The following PROSER1 variants were observed in gnomAD, a reference collection of about 807,000 sequenced individuals.
PROSER1 encodes proline and serine-rich protein 1.
A neutral mutation model predicts 71.8 loss-of-function variants in PROSER1; 36 were observed. That is an observed-to-expected ratio of 0.50 (90% CI 0.38 to 0.66). PROSER1 has a LOEUF of 0.66. PROSER1 is among the 30% of genes least tolerant of loss of function. The pLI, the probability that PROSER1 is intolerant of heterozygous loss-of-function variation, is 0.00. For synonymous variants in PROSER1, 490 were observed against 452.4 expected (o/e 1.08, Z -1.06); for missense variants, 1,107 against 1,135.0 (o/e 0.98, Z 0.35).
chr13:39,014,156 C>A lies in PROSER1; in HGVS notation c.1096G>T (p.Val366Leu). The change falls in exon 11 of 13, where the codon GTG (valine) becomes TTG (leucine). Residue 366 changes from valine (V) to leucine (L), a missense_variant. Coordinates refer to ENST00000352251, the MANE Select transcript of PROSER1 (RefSeq NM_025138.5). ...TPVPSIFSGL[V>L]SLPGPSATPT... ...GTGGCAGAAGGACCTGGCAGTGACA[C>A]TAGGCCAGAAAAAATGGAAGGAACA... 6.2e-7 allele frequency: 1 copy of A among 1,614,070 alleles called. No homozygotes were observed. Among genetic ancestry groups the A allele is most frequent in the South Asian group, 1.1e-5 (1 of 91,074 alleles).
chr13:39,029,922 C>T (rs982969148), intron 3 of PROSER1, among the ~76,000 whole-genome samples: 1 of 152,072 alleles, frequency 6.6e-6, no homozygotes, highest in Non-Finnish European at 1.5e-5. Context: ...TTGTGATGCA[C>T]CAAGATTGTG....
intron 2 of PROSER1, among the ~76,000 whole-genome samples, chr13:39,033,547 C>T (rs1310640468): frequency 6.6e-6 from 1 of 152,160 alleles, no homozygotes; most frequent in Non-Finnish European, 1.5e-5. Flanking sequence ...TCCAACTATC[C>T]CTCAGAAACA....
intron 9 of PROSER1, among the ~76,000 whole-genome samples, chr13:39,021,190 C>T (rs1870272423): frequency 6.6e-6 from 1 of 152,084 alleles, no homozygotes; most frequent in Non-Finnish European, 1.5e-5. Flanking sequence ...CCAATTCACC[C>T]CCTCCCCAAG....
rs1869656374 is a variant in PROSER1, at chr13:39,011,492, T to C, written c.2713-5A>G. 6.2e-7 allele frequency: 1 copy of C among 1,613,666 alleles called. No homozygotes were observed. Among genetic ancestry groups the C allele is most frequent in the Non-Finnish European group, 8.5e-7 (1 of 1,179,964 alleles). On this transcript the variant is annotated splice_polypyrimidine_tract_variant and splice_region_variant and intron_variant, in intron 12 of 12. Transcript: ENST00000352251. Reference sequence around the variant, plus strand: ...CAGAGCCGAAGCTGAATGGACCTGATGGAAAGAAGAGCGTGTGGTTTAGCA... The same window carrying C: ...CAGAGCCGAAGCTGAATGGACCTGACGGAAAGAAGAGCGTGTGGTTTAGCA...
intron 5 of PROSER1, 140 bp from the exon 6 acceptor site, chr13:39,026,527 A>T: frequency 1.9e-6 from 1 of 521,462 alleles, no homozygotes; most frequent in Non-Finnish European, 3.4e-6. Flanking sequence ...CAGCACTTAC[A>T]GTGGTGAATG....
rs1227458852 is a variant in PROSER1 at position 39,028,246 on chromosome 13, C to T, written c.350G>A (p.Cys117Tyr). The T allele has an allele frequency of 2.5e-6, 4 of 1,581,514 alleles. No homozygotes were observed. Among genetic ancestry groups the T allele is most frequent in the Non-Finnish European group, 2.6e-6 (3 of 1,151,396 alleles). Reference sequence around the variant, plus strand: ...AACTACCTGTTCAAGTATTCTCTTGCACCGTTTCTTCTCAGACATATTTAC... The same window carrying T: ...AACTACCTGTTCAAGTATTCTCTTGTACCGTTTCTTCTCAGACATATTTAC... ...FRVNMSEKKR[C>Y]KRILEQAFKG... The change falls in exon 5 of 13, where the codon TGC (cysteine) becomes TAC (tyrosine). Residue 117 changes from cysteine to tyrosine, a missense_variant. By Grantham distance (194) the Cys-to-Tyr change is radical. Coordinates refer to ENST00000352251, the MANE Select transcript of PROSER1 (RefSeq NM_025138.5).
chr13:39,033,794 G>A (rs548792733), intron 2 of PROSER1, among the ~76,000 whole-genome samples: 1 of 151,932 alleles, frequency 6.6e-6, no homozygotes, highest in South Asian at 2.1e-4. Flanking sequence ...GACGAATTTT[G>A]TAATTGTCTT....
intron 9 of PROSER1, among the ~76,000 whole-genome samples, chr13:39,022,027 T>G (rs1484516661): frequency 6.6e-6 from 1 of 152,236 alleles, no homozygotes; most frequent in Admixed American, 6.5e-5. Context: ...TTTGCAAACA[T>G]GACTCTTTGT....
chr13:39,032,865 C>T (rs749861930), intron 2 of PROSER1, among the ~76,000 whole-genome samples: 1 of 151,106 alleles, frequency 6.6e-6, no homozygotes, highest in Non-Finnish European at 1.5e-5. Context: ...ATCACATACA[C>T]CCAAGAAAAA....
intron 9 of PROSER1, among the ~76,000 whole-genome samples, chr13:39,020,068 T>G (rs1244045153): frequency 7.3e-6 from 1 of 136,420 alleles, no homozygotes; most frequent in Non-Finnish European, 1.5e-5. Context: ...TCTAGAAAAC[T>G]CAAGAGACTT....
intron 10 of PROSER1, among the ~76,000 whole-genome samples, chr13:39,016,993 T>C (rs945560514): frequency 6.6e-6 from 1 of 152,270 alleles, no homozygotes; most frequent in Non-Finnish European, 1.5e-5. Flanking sequence ...ACTGCTGCCA[T>C]CTGGAGGCAC....
chr13:39,012,867 AT>A lies in PROSER1; in HGVS notation c.2384del (p.Asn795IlefsTer154). ...NPSYPGFSVSNTPSVTPALPS... is the reference protein window; with the variant it reads ...NPSYPGFSVSXTPSVTPALPS... ...GAAGAGCAGGGGTAACGCTTGGGGTATTAGAGACAGAAAAGCCTGGATAGGA... is the reference window on the plus strand; with the variant it reads ...GAAGAGCAGGGGTAACGCTTGGGGTATAGAGACAGAAAAGCCTGGATAGGA... On this transcript the variant is annotated frameshift_variant, in exon 11 of 13. Transcript: ENST00000352251. LOFTEE classifies it high-confidence loss of function. 6.2e-7 allele frequency: 1 copy of A among 1,614,152 alleles called. No homozygotes were observed. Among genetic ancestry groups the A allele is most frequent in the Non-Finnish European group, 8.5e-7 (1 of 1,180,006 alleles).
At chr13:39,025,165 T>C (rs959312507) in intron 6 of PROSER1, among the ~76,000 whole-genome samples, 3 of 152,096 alleles carry the variant, frequency 2.0e-5, no homozygotes, top group African/African-American at 4.8e-5. Flanking sequence ...TGAAAGTAGA[T>C]AAGAAAAAAT....
intron 8 of PROSER1, chr13:39,022,615 T>C: frequency 1.9e-6 from 1 of 514,878 alleles, no homozygotes; most frequent in Non-Finnish European, 3.5e-6. Flanking sequence ...CAGAGATTCC[T>C]ATTTCCCACT....
Position 39,013,727 on chromosome 13 carries a change from C to CA in PROSER1, c.1524dup (p.Asp509Ter), listed in dbSNP as rs757205328. The CA allele has an allele frequency of 6.2e-7, 1 of 1,614,088 alleles. No homozygotes were observed. Among genetic ancestry groups the CA allele is most frequent in the Non-Finnish European group, 8.5e-7 (1 of 1,179,998 alleles). ...TTGTTAGGGGCTGAAGCAGAAGAGT[C>CA]AGAGTTCTGAAGAGTAAGAGAAGAT... On this transcript the variant is annotated frameshift_variant, in exon 11 of 13. Transcript: ENST00000352251. LOFTEE classifies it high-confidence loss of function.
chr13:39,012,040 T>C, intron 12 of PROSER1, 43 bp downstream of exon 12: 1 of 1,572,070 alleles, frequency 6.4e-7, no homozygotes. Flanking sequence ...AGAAGTTAGT[T>C]ATACATGTTA....
At chr13:39,028,199 A>T in intron 5 of PROSER1, 28 bp downstream of exon 5, 1 of 1,242,234 alleles carries the variant, frequency 8.1e-7, no homozygotes, top group Non-Finnish European at 1.2e-6. Context: ...CCAGCGTACC[A>T]AGTACATGAC....
intron 2 of PROSER1, among the ~76,000 whole-genome samples, chr13:39,032,221 T>C (rs1870878780): frequency 1.3e-5 from 2 of 152,166 alleles, no homozygotes; most frequent in African/African-American, 4.8e-5. Flanking sequence ...AAATCATAAA[T>C]CTAGTCCCTT....
chr13:39,029,234 AT>A, intron 4 of PROSER1, 46 bp downstream of exon 4: 2 of 1,077,302 alleles, frequency 1.9e-6, no homozygotes, highest in Non-Finnish European at 2.6e-6. Flanking sequence ...ACGCTTCTAC[AT>A]TTTTTCCCAA....
Sources: gnomAD v4.1 joint callset for allele counts (sites outside exome capture counted in the v4.1 genomes callset) on GRCh38, gnomAD v4.1.1 for gene constraint, MANE v1.5 for transcripts, NCBI Gene and HGNC (gene_info 2026-07-23, HGNC 2026-07-21) for gene names.